The following RBFOX1 variants were observed in gnomAD, a reference collection of about 807,000 sequenced individuals.
The protein encoded by RBFOX1 is RNA binding fox-1 homolog 1, also known as RNA binding protein fox-1 homolog 1.
A neutral mutation model predicts 57.7 loss-of-function variants in RBFOX1; 8 were observed. That is an observed-to-expected ratio of 0.14 (90% CI 0.08 to 0.25). The LOEUF (loss-of-function observed/expected upper bound fraction) is 0.25, where lower values mean the gene tolerates loss of function less well. Ranked by LOEUF, RBFOX1 falls within the 10% of genes least tolerant of loss-of-function variation. RBFOX1 has a pLI of 1.00. For synonymous variants in RBFOX1, 326 were observed against 222.4 expected (o/e 1.47, Z -4.15); for missense variants, 611 against 548.5 (o/e 1.11, Z -1.14).
intron 4 of RBFOX1, among the ~76,000 whole-genome samples, chr16:7,390,561 C>T (rs1443188594): frequency 1.3e-5 from 2 of 152,172 alleles, no homozygotes; most frequent in Non-Finnish European, 2.9e-5. Context: ...AGCATCTTTG[C>T]ACATCGCAGA....
intron 3 of RBFOX1, among the ~76,000 whole-genome samples, chr16:7,022,812 C>G (rs183063107): frequency 1.3e-5 from 2 of 152,244 alleles, no homozygotes; most frequent in East Asian, 3.9e-4. Context: ...TTCTTATTGA[C>G]CTGATTTTAT....
At chr16:5,844,371 A>T (rs1597463470) in intron 3 of RBFOX1, among the ~76,000 whole-genome samples, 1 of 152,232 alleles carries the variant, frequency 6.6e-6, no homozygotes, top group Non-Finnish European at 1.5e-5. Context: ...AAGCCCTGGA[A>T]TAAAGTCTCC....
intron 4 of RBFOX1, among the ~76,000 whole-genome samples, chr16:7,081,273 G>T (rs906045520): frequency 6.6e-6 from 1 of 152,220 alleles, no homozygotes; most frequent in African/African-American, 2.4e-5. Context: ...GACCTCAAGT[G>T]ATCCACCAGC....
intron 2 of RBFOX1, among the ~76,000 whole-genome samples, chr16:6,556,265 G>C (rs1255527981): frequency 6.6e-6 from 1 of 152,138 alleles, no homozygotes; most frequent in Non-Finnish European, 1.5e-5. Context: ...TGTACAAAAA[G>C]GCATCTTTGT....
chr16:6,025,689 G>A (rs1397694372), intron 1 of RBFOX1, among the ~76,000 whole-genome samples: 2 of 152,114 alleles, frequency 1.3e-5, no homozygotes, highest in African/African-American at 4.8e-5. Context: ...GTGGGCCAGG[G>A]TAATAACAGA....
intron 4 of RBFOX1, among the ~76,000 whole-genome samples, chr16:6,008,213 AC>A: frequency 1.3e-5 from 1 of 78,872 alleles, no homozygotes; most frequent in South Asian, 5.3e-4. Flanking sequence ...CCCCCCACCC[AC>A]CCCCCAAAAA....
At chr16:6,502,987 A>C (rs138327054) in intron 2 of RBFOX1, among the ~76,000 whole-genome samples, 1 of 152,290 alleles carries the variant, frequency 6.6e-6, no homozygotes, top group African/African-American at 2.4e-5. Context: ...GACTCAGCTG[A>C]GATATTAATG....
At chr16:6,461,175 G>A (rs1436898287) in intron 2 of RBFOX1, among the ~76,000 whole-genome samples, 2 of 152,112 alleles carry the variant, frequency 1.3e-5, no homozygotes, top group Non-Finnish European at 2.9e-5. Context: ...AGGTGATGAG[G>A]CTGATAGGTG....
rs2096826815 is a variant in RBFOX1, at chr16:6,541,976, T to C, written c.-63-112627T>C. On this transcript the variant is annotated intron_variant, in intron 2 of 15. Transcript: ENST00000550418. ...TTTTTTTAATTAAAGAGATTAGGTC[T>C]CACTCTGTCACCCTTGCTGGAGTGC... 3.3e-5 allele frequency among the ~76,000 whole-genome samples: 5 copies of C among 152,040 alleles called. No individual in the cohort carries two copies. In the South Asian group the frequency reaches 1.0e-3, roughly 32 times the overall value.
intron 14 of RBFOX1, among the ~76,000 whole-genome samples, chr16:7,699,959 G>T (rs555925322): frequency 4.6e-5 from 7 of 152,284 alleles, no homozygotes; most frequent in African/African-American, 1.7e-4. Context: ...GACATTGTCA[G>T]TGTCTTGGTA....
intron 1 of RBFOX1, among the ~76,000 whole-genome samples, chr16:6,129,655 T>G (rs1339380816): frequency 6.7e-6 from 1 of 149,658 alleles, no homozygotes; most frequent in African/African-American, 2.5e-5. Flanking sequence ...AAACATCCAT[T>G]TACAGGTCCA....
chr16:6,324,109 T>C (rs901237817), intron 2 of RBFOX1, among the ~76,000 whole-genome samples: 1 of 152,158 alleles, frequency 6.6e-6, no homozygotes, highest in African/African-American at 2.4e-5. Context: ...ACCTTAATAG[T>C]ATTCATTAAG....
At chr16:7,065,993 A>T (rs1166844818) in intron 4 of RBFOX1, among the ~76,000 whole-genome samples, 1 of 151,674 alleles carries the variant, frequency 6.6e-6, no homozygotes, top group Non-Finnish European at 1.5e-5. Flanking sequence ...CAAATAAATA[A>T]CAACAAAAAA....
intron 1 of RBFOX1, among the ~76,000 whole-genome samples, chr16:6,050,223 G>C (rs1740817231): frequency 6.6e-6 from 1 of 152,136 alleles, no homozygotes; most frequent in East Asian, 1.9e-4. Flanking sequence ...GCCTTCCAAA[G>C]TGCTGGGATT....
chr16:6,858,401 T>G (rs1050249444), intron 3 of RBFOX1, among the ~76,000 whole-genome samples: 28 of 152,200 alleles, frequency 1.8e-4, no homozygotes, highest in African/African-American at 6.5e-4. Flanking sequence ...TTTTGTGTTG[T>G]TCTTTCTTCT....
rs542126020 is a variant in RBFOX1, at chr16:6,504,647, C to G, written c.-63-149956C>G. On this transcript the variant is annotated intron_variant, in intron 2 of 15. Transcript: ENST00000550418. ...CAAGTGTGAGGGGTAGTAGGTATGA[C>G]CTGTCCCACTGCCATGTTTTCCAAA... is the stretch of plus-strand genomic sequence containing the variant. Among the ~76,000 whole-genome samples the G allele has an allele frequency of 9.2e-5, 14 of 152,276 alleles. No individual in the cohort carries two copies. The South Asian group carries it at 2.9e-3, about 32-fold the overall frequency.
intron 3 of RBFOX1, among the ~76,000 whole-genome samples, chr16:6,662,314 A>T (rs559047264): frequency 6.6e-6 from 1 of 152,170 alleles, no homozygotes; most frequent in Non-Finnish European, 1.5e-5. Context: ...GAGATGATGG[A>T]TATGTTAATT....
intron 4 of RBFOX1, among the ~76,000 whole-genome samples, chr16:7,258,958 C>T (rs2094808574): frequency 6.6e-6 from 1 of 152,216 alleles, no homozygotes; most frequent in African/African-American, 2.4e-5. Flanking sequence ...GGTCCTGTTT[C>T]ACCTATGACA....
chr16:6,782,097 C>A (rs529695379), intron 3 of RBFOX1, among the ~76,000 whole-genome samples: 1 of 152,240 alleles, frequency 6.6e-6, no homozygotes, highest in East Asian at 1.9e-4. Flanking sequence ...ACCTCCGCCT[C>A]CTGGGTTCAC....
Sources: gnomAD v4.1 joint callset for allele counts (sites outside exome capture counted in the v4.1 genomes callset) on GRCh38, gnomAD v4.1.1 for gene constraint, MANE v1.5 for transcripts, NCBI Gene and HGNC (gene_info 2026-07-23, HGNC 2026-07-21) for gene names.